The following STK3 variants were observed in gnomAD, a reference collection of about 807,000 sequenced individuals.
STK3 encodes the protein serine/threonine kinase 3.
STK3 carries 41 observed loss-of-function variants against 58.0 expected under a neutral mutation model. The ratio of observed to expected loss-of-function variants is 0.71; its 90% confidence interval spans 0.55 to 0.92. The LOEUF (loss-of-function observed/expected upper bound fraction) is 0.92. Ranked by LOEUF, STK3 falls within the 40% of genes least tolerant of loss-of-function variation. The probability of loss-of-function intolerance (pLI) is 0.00; values close to 1 mark genes in which losing one functional copy is unlikely to be tolerated. For missense variants in STK3, 479 were observed against 602.7 expected (o/e 0.79, Z 2.15); for synonymous variants, 170 against 191.0 (o/e 0.89, Z 0.91).
At chr8:98,923,908 T>A (rs935885493) in intron 1 of STK3, among the ~76,000 whole-genome samples, 1 of 147,314 alleles carries the variant, frequency 6.8e-6, no homozygotes, top group Non-Finnish European at 1.5e-5. Context: ...TTTGGAACCA[T>A]ATCAATAGTT....
chr8:98,651,086 C>T (rs190324673), intron 6 of STK3, among the ~76,000 whole-genome samples: 2 of 152,356 alleles, frequency 1.3e-5, no homozygotes, highest in East Asian at 3.9e-4. Flanking sequence ...AACTGGGAGG[C>T]ACCCCCAAGT....
intron 6 of STK3, among the ~76,000 whole-genome samples, chr8:98,701,539 G>A (rs1055115445): frequency 4.0e-5 from 6 of 151,736 alleles, no homozygotes; most frequent in South Asian, 2.1e-4. Context: ...CAGGAGAATC[G>A]CTTGAAACCG....
At chr8:98,397,078 C>A (rs73273913), downstream of STK3, among the ~76,000 whole-genome samples, 1 of 152,184 alleles carries the variant, frequency 6.6e-6, no homozygotes, top group East Asian at 1.9e-4. Context: ...ACACTTTTAA[C>A]CAGAGTGCAA....
intron 1 of STK3, among the ~76,000 whole-genome samples, chr8:98,892,941 A>G (rs7812789): frequency 0.025 from 3,762 of 152,268 alleles, 137 homozygotes; most frequent in African/African-American, 0.083. Context: ...CTAAGAATAT[A>G]TTTGAGACGG....
At chr8:98,509,471 A>G (rs960735630) in intron 10 of STK3, among the ~76,000 whole-genome samples, 1 of 151,946 alleles carries the variant, frequency 6.6e-6, no homozygotes, top group Non-Finnish European at 1.5e-5. Context: ...CAGATTATTA[A>G]GAGACTGGTA....
intron 3 of STK3, among the ~76,000 whole-genome samples, chr8:98,858,371 G>GAGAGAGTA (rs1836789959): frequency 7.8e-6 from 1 of 128,684 alleles, no homozygotes; most frequent in Non-Finnish European, 1.7e-5. Context: ...CAGAGAGAGA[G>GAGAGAGTA]TATATAGTAT....
chr8:98,851,005 G>A (rs1836448689), intron 3 of STK3, among the ~76,000 whole-genome samples: 1 of 152,166 alleles, frequency 6.6e-6, no homozygotes, highest in African/African-American at 2.4e-5. Flanking sequence ...GATTAAGTCA[G>A]AAGCTCACCT....
intron 4 of STK3, among the ~76,000 whole-genome samples, chr8:98,741,187 C>G (rs200311614): frequency 8.5e-5 from 13 of 152,058 alleles, no homozygotes; most frequent in Non-Finnish European, 1.8e-4. Flanking sequence ...ACAGATCAAC[C>G]AGACAGAAAG....
chr8:98,855,831 G>A (rs1032327498), intron 3 of STK3, among the ~76,000 whole-genome samples: 1 of 151,984 alleles, frequency 6.6e-6, no homozygotes, highest in Non-Finnish European at 1.5e-5. Flanking sequence ...GACAAGCTTG[G>A]CCAAAATGAT....
chr8:98,446,880 A>G (rs1476714618), intron 1 of STK3, among the ~76,000 whole-genome samples: 1 of 152,220 alleles, frequency 6.6e-6, no homozygotes, highest in Non-Finnish European at 1.5e-5. Context: ...AATACAGTAT[A>G]TATACACCAT....
At chr8:98,583,524 G>A (rs1411737561) in intron 7 of STK3, among the ~76,000 whole-genome samples, 1 of 152,160 alleles carries the variant, frequency 6.6e-6, no homozygotes, top group African/African-American at 2.4e-5. Flanking sequence ...AAGGTCATGG[G>A]AAATAGCAGC....
intron 10 of STK3, among the ~76,000 whole-genome samples, chr8:98,464,853 C>A (rs1820342229): frequency 1.3e-5 from 2 of 152,072 alleles, no homozygotes; most frequent in Admixed American, 1.3e-4. Flanking sequence ...CTGGCAGACC[C>A]CCCTTCCCCA....
At chr8:98,891,893 C>T (rs1429512308) in intron 1 of STK3, among the ~76,000 whole-genome samples, 3 of 152,156 alleles carry the variant, frequency 2.0e-5, no homozygotes, top group African/African-American at 7.2e-5. Context: ...AGGAAATACT[C>T]TGGTCCTTCA....
At chr8:98,862,390 A>C (rs1836968575) in intron 3 of STK3, among the ~76,000 whole-genome samples, 1 of 152,248 alleles carries the variant, frequency 6.6e-6, no homozygotes, top group African/African-American at 2.4e-5. Context: ...CCCCACTTGC[A>C]AGAATTTAAA....
At chr8:98,423,770 C>G (rs1166924729) in intron 3 of STK3, among the ~76,000 whole-genome samples, 1 of 152,216 alleles carries the variant, frequency 6.6e-6, no homozygotes, top group Non-Finnish European at 1.5e-5. Flanking sequence ...GTGCAGCCCC[C>G]TCGCCTGTCA....
At chr8:98,790,501 T>C (rs536915360) in intron 1 of STK3, among the ~76,000 whole-genome samples, 24 of 152,280 alleles carry the variant, frequency 1.6e-4, no homozygotes, top group African/African-American at 5.5e-4. Context: ...AAAATCAGCA[T>C]ACAAGGGACA....
At chr8:98,353,979 G>T in the STK3 span, among the ~76,000 whole-genome samples, 1 of 152,076 alleles carries the variant, frequency 6.6e-6, no homozygotes, top group Non-Finnish European at 1.5e-5. Context: ...AGAACTCATA[G>T]AGCTGTGGAG....
intron 3 of STK3, among the ~76,000 whole-genome samples, chr8:98,423,625 T>C (rs369024982): frequency 6.6e-6 from 1 of 152,194 alleles, no homozygotes; most frequent in Non-Finnish European, 1.5e-5. Context: ...GGGAGCAGGA[T>C]GGACACAGGT....
intron 3 of STK3, among the ~76,000 whole-genome samples, chr8:98,762,363 C>G (rs1830677076): frequency 6.6e-6 from 1 of 152,204 alleles, no homozygotes; most frequent in African/African-American, 2.4e-5. Flanking sequence ...TCAAGTGATT[C>G]TCCTGCCTCA....
Sources: gnomAD v4.1 joint callset for allele counts (sites outside exome capture counted in the v4.1 genomes callset) on GRCh38, gnomAD v4.1.1 for gene constraint, MANE v1.5 for transcripts, NCBI Gene and HGNC (gene_info 2026-07-23, HGNC 2026-07-21) for gene names.